The following CACNA1B variants were observed in gnomAD, a reference collection of about 807,000 sequenced individuals.
CACNA1B encodes calcium voltage-gated channel subunit alpha1 B.
In CACNA1B, 70 loss-of-function variants were observed where a neutral mutation model predicts 247.2. The observed-to-expected ratio is 0.28, with a 90% CI of 0.23 to 0.35. The LOEUF is 0.35. Ranked by LOEUF, CACNA1B falls within the 10% of genes least tolerant of loss-of-function variation. The pLI, the probability that CACNA1B is intolerant of heterozygous loss-of-function variation, is 1.00. For missense variants in CACNA1B, 2,367 were observed against 3,197.4 expected, an observed-to-expected ratio of 0.74 and a Z score of 6.26; for synonymous variants, 1,231 against 1,294.4, an observed-to-expected ratio of 0.95 and a Z score of 1.05.
chr9:137,889,294 G>T (rs368890973), intron 3 of CACNA1B, among the ~76,000 whole-genome samples: 26 of 150,242 alleles, frequency 1.7e-4, no homozygotes, highest in African/African-American at 5.8e-4. Flanking sequence ...GCAGCACCCC[G>T]ACCTCCAGTG....
At chr9:138,114,241 C>G in intron 40 of CACNA1B, 137 bp from the exon 41 acceptor site, 1 of 614,302 alleles carries the variant, frequency 1.6e-6, no homozygotes, top group Non-Finnish European at 2.9e-6. Flanking sequence ...CCTGAGAGCC[C>G]TCTGTCCCAG....
rs201918992 is a variant in CACNA1B, at chr9:138,102,728, A to G, written c.5240A>G (p.Asn1747Ser). Residue 1747 changes from asparagine (N) to serine (S), a missense_variant, in exon 38 of 47, where the codon AAT becomes AGT. Around this residue, in one of 12 missense-constraint regions of CACNA1B, gnomAD observed 55 missense variants for 107.8 expected, o/e 0.51. Transcript: ENST00000371372. This position sits in a 1 kb window ranked among gnomAD's most constrained non-coding sequence, Gnocchi z 5.4. ...DPAACGRISY[N>S]DMFEMLKHMS... Reference sequence around the variant, plus strand: ...GTTTCCAGTGGGCGCATCAGTTACAATGACATGTTTGAGATGCTGAAACAC... The same window carrying G: ...GTTTCCAGTGGGCGCATCAGTTACAGTGACATGTTTGAGATGCTGAAACAC... 7.9e-5 allele frequency: 127 copies of G among 1,612,178 alleles called. No individual in the cohort carries two copies. The African/African-American group carries it at 1.5e-3, about 19-fold the overall frequency.
In CACNA1B at chr9:138,006,162, C is replaced by A. The variant is rs572840093; in HGVS notation, c.1975-605C>A. Among the ~76,000 whole-genome samples the A allele has an allele frequency of 8.5e-5, 13 of 152,070 alleles. 1 individual carries two copies. In the South Asian group the frequency reaches 1.7e-3, roughly 19 times the overall value. On this transcript the variant is annotated intron_variant, in intron 15 of 46. Transcript: ENST00000371372. Reference sequence around the variant, plus strand: ...TGGAGTTGGTCACGGGGAGGGGGACCATTGCACATGGGGCAAAATTTCCAT... The same window carrying A: ...TGGAGTTGGTCACGGGGAGGGGGACAATTGCACATGGGGCAAAATTTCCAT...
intron 20 of CACNA1B, among the ~76,000 whole-genome samples, chr9:138,027,893 CTTTT>C (rs1958940393): frequency 6.6e-6 from 1 of 151,936 alleles, no homozygotes; most frequent in Non-Finnish European, 1.5e-5. Context: ...CTGTAGCTTT[CTTTT>C]GTCACATTTG....
At chr9:138,062,721 G>A (rs917141975) in intron 31 of CACNA1B, among the ~76,000 whole-genome samples, 2 of 152,234 alleles carry the variant, frequency 1.3e-5, no homozygotes, top group Admixed American at 1.3e-4. Flanking sequence ...ACTTTACCCA[G>A]TATCCTTACC....
intron 6 of CACNA1B, among the ~76,000 whole-genome samples, chr9:137,928,243 A>C (rs940491315): frequency 6.6e-6 from 1 of 152,058 alleles, no homozygotes; most frequent in Non-Finnish European, 1.5e-5. Context: ...GACTACAGGC[A>C]CCCACCACCA....
chr9:137,945,272 T>C (rs997914796), intron 6 of CACNA1B, among the ~76,000 whole-genome samples: 1 of 152,180 alleles, frequency 6.6e-6, no homozygotes, highest in Non-Finnish European at 1.5e-5. Flanking sequence ...AGGGAATGGA[T>C]GGAGAGTTGC....
Position 137,879,204 on chromosome 9 carries a change from C to T in CACNA1B, c.390+45C>T, listed in dbSNP as rs200057265. 5.2e-5 allele frequency: 65 copies of T among 1,244,466 alleles called. 1 individual carries two copies. In the South Asian group the frequency reaches 7.8e-4, roughly 15 times the overall value. 77.1% of individuals were successfully genotyped at this position (1,244,466 alleles called of 1,614,324 possible). A position where few individuals can be genotyped will look rare whatever the true frequency, so the allele number is the denominator to read the frequency against. ...TGAGGGCAGGGTGGTGGGGAGGCCG[C>T]GACTCCACTTTCCTTTATGGTCTGT... On this transcript the variant is annotated intron_variant, in intron 2 of 46. Coordinates refer to ENST00000371372, the MANE Select transcript of CACNA1B (RefSeq NM_000718.4).
chr9:137,954,098 T>C lies in CACNA1B; in HGVS notation c.1071-1600T>C, dbSNP rs891960388. On this transcript the variant is annotated intron_variant, in intron 7 of 46. Transcript: ENST00000371372. The surrounding 1 kb of genome is among the most constrained non-coding windows in gnomAD (Gnocchi z 4.1). ...TCCCCACTGTGAGGATCCTGGCCTC[T>C]GGGGAGAATGGGATATGTGATGTTC... Among the ~76,000 whole-genome samples the C allele has an allele frequency of 6.6e-5, 10 of 152,140 alleles. No homozygotes were observed. Among genetic ancestry groups the C allele is most frequent in the Middle Eastern group, 3.2e-3 (1 of 316 alleles).
At chr9:138,101,064 C>T (rs768170141) in intron 37 of CACNA1B, 12 of 504,800 alleles carry the variant, frequency 2.4e-5, no homozygotes, top group Non-Finnish European at 4.9e-5. Context: ...CGGGCTCCAT[C>T]CTGCCTTTGT....
At chr9:138,015,530 G>C (rs1394283487) in intron 18 of CACNA1B, among the ~76,000 whole-genome samples, 1 of 146,832 alleles carries the variant, frequency 6.8e-6, no homozygotes, top group Non-Finnish European at 1.5e-5. Context: ...TTGAGCTGCT[G>C]GGCTGTGCGA....
intron 6 of CACNA1B, among the ~76,000 whole-genome samples, chr9:137,931,101 G>A (rs1171976071): frequency 6.6e-6 from 1 of 152,102 alleles, no homozygotes; most frequent in Non-Finnish European, 1.5e-5. Flanking sequence ...TCTTGACTAC[G>A]AGTTGTCCAG....
intron 6 of CACNA1B, among the ~76,000 whole-genome samples, chr9:137,936,780 A>G (rs1024861279): frequency 6.6e-6 from 1 of 152,226 alleles, no homozygotes; most frequent in African/African-American, 2.4e-5. Flanking sequence ...GTCAAAGATC[A>G]GATGGTTGTA....
At chr9:138,009,656 C>T (rs1958699826) in intron 16 of CACNA1B, among the ~76,000 whole-genome samples, 1 of 152,134 alleles carries the variant, frequency 6.6e-6, no homozygotes, top group African/African-American at 2.4e-5. Flanking sequence ...CATGGGCCCT[C>T]GTTAGGAGGC....
intron 21 of CACNA1B, among the ~76,000 whole-genome samples, chr9:138,045,066 T>G (rs1042946435): frequency 3.3e-5 from 5 of 152,296 alleles, no homozygotes; most frequent in South Asian, 2.1e-4. Flanking sequence ...AAGTGACATC[T>G]TGGTTGAAAC....
rs1173964720 is a variant in CACNA1B, at chr9:138,090,701, C to CAAAAAAAAAAA, written c.5095-5760_5095-5750dup. Among the ~76,000 whole-genome samples the CAAAAAAAAAAA allele has an allele frequency of 5.7e-3, 94 of 16,592 alleles. 1 individual carries two copies. Among genetic ancestry groups the CAAAAAAAAAAA allele is most frequent in the East Asian group, 0.011 (2 of 180 alleles). The allele number at this position is 16,592 out of a possible 152,430, so 10.9% of individuals were successfully genotyped here. ...TACAAGGTGAAACTCAACCCATCAGCAAAAAAAAAAAAAAAAAAAAAAAAA... is the reference window on the plus strand; with the variant it reads ...TACAAGGTGAAACTCAACCCATCAGCAAAAAAAAAAAAAAAAAAAAAAAAAAAAAAAAAAAA... On this transcript the variant is annotated intron_variant, in intron 36 of 46. Coordinates refer to ENST00000371372, the MANE Select transcript of CACNA1B (RefSeq NM_000718.4).
intron 26 of CACNA1B, among the ~76,000 whole-genome samples, chr9:138,055,018 A>G (rs1959441940): frequency 6.6e-6 from 1 of 152,106 alleles, no homozygotes; most frequent in East Asian, 1.9e-4. Flanking sequence ...AATGTTCTGG[A>G]CAGGAACCCT....
Position 138,006,805 on chromosome 9 carries a change from C to G in CACNA1B, c.2013C>G (p.His671Gln). 6.2e-7 allele frequency: 1 copy of G among 1,610,574 alleles called. No individual in the cohort carries two copies. Among genetic ancestry groups the G allele is most frequent in the Non-Finnish European group, 8.5e-7 (1 of 1,176,854 alleles). The change falls in exon 16 of 47, where the codon CAC becomes CAG. Residue 671 changes from histidine (H) to glutamine (Q), a missense_variant. His to Gln is a conservative substitution (Grantham distance 24). Transcript: ENST00000371372. ...AGGACTGGAATGCAGTGATGTATCA[C>G]GGGATCGAATCGCAAGGCGGCGTCA... ...TGEDWNAVMY[H>Q]GIESQGGVSK...
intron 12 of CACNA1B, among the ~76,000 whole-genome samples, chr9:137,978,468 C>G (rs1028754412): frequency 2.0e-5 from 3 of 149,848 alleles, no homozygotes; most frequent in Admixed American, 1.3e-4. Flanking sequence ...GGTGGGAGCA[C>G]TACCCCTTCC....
Sources: gnomAD v4.1 joint callset for allele counts (sites outside exome capture counted in the v4.1 genomes callset) on GRCh38, gnomAD v4.1.1 for gene constraint, gnomAD v4.1.1 regional missense constraint, Gnocchi (gnomAD v3.1) non-coding constraint, MANE v1.5 for transcripts, NCBI Gene and HGNC (gene_info 2026-07-23, HGNC 2026-07-21) for gene names.